EIF3H: variants seen among roughly 807,000 people sequenced by gnomAD.
EIF3H encodes eIF-3-gamma.
A neutral mutation model predicts 44.2 loss-of-function variants in EIF3H; 26 were observed. The ratio of observed to expected loss-of-function variants is 0.59; its 90% CI spans 0.43 to 0.82. The LOEUF (loss-of-function observed/expected upper bound fraction) is 0.82, where lower values mean the gene tolerates loss of function less well. Ranked by LOEUF, EIF3H falls within the 40% of genes least tolerant of loss-of-function variation. The probability of loss-of-function intolerance (pLI) is 0.00; values close to 1 mark genes in which losing one functional copy is unlikely to be tolerated. For missense variants in EIF3H, 359 were observed against 432.8 expected, an observed-to-expected ratio of 0.83 and a Z score of 1.51; for synonymous variants, 166 against 151.9, an observed-to-expected ratio of 1.09 and a Z score of -0.68.
chr8:116,694,413 C>CT (rs1563644571), intron 2 of EIF3H, among the ~76,000 whole-genome samples: 1 of 152,210 alleles, frequency 6.6e-6, no homozygotes. Flanking sequence ...TGTGAACTGT[C>CT]TAAACCATCT....
chr8:116,752,730 A>AAGAAAGAAG (rs1278349971), intron 1 of EIF3H, among the ~76,000 whole-genome samples: 13 of 128,782 alleles, frequency 1.0e-4, no homozygotes, highest in African/African-American at 2.2e-4. Context: ...GAAAGAAAGA[A>AAGAAAGAAG]AGAAGAGAAA....
At chr8:116,754,754 C>A (rs1032276498) in intron 1 of EIF3H, among the ~76,000 whole-genome samples, 1 of 152,352 alleles carries the variant, frequency 6.6e-6, no homozygotes, top group African/African-American at 2.4e-5. Context: ...TCCAGTTTAA[C>A]TAAGTCAGTT....
intron 2 of EIF3H, among the ~76,000 whole-genome samples, chr8:116,703,082 C>T (rs910155775): frequency 5.9e-5 from 9 of 152,068 alleles, no homozygotes; most frequent in African/African-American, 2.2e-4. Context: ...AAAGAAGATA[C>T]TTAAAATAAG....
intron 2 of EIF3H, among the ~76,000 whole-genome samples, chr8:116,671,643 T>G (rs1813757452): frequency 1.3e-5 from 2 of 152,198 alleles, no homozygotes; most frequent in Admixed American, 6.5e-5. Context: ...CAGAGAAAGC[T>G]CCTGCAGCTG....
intron 4 of EIF3H, 132 bp from the exon 5 acceptor site, chr8:116,656,137 A>G: frequency 2.8e-6 from 2 of 703,438 alleles, no homozygotes; most frequent in Non-Finnish European, 4.5e-6. Context: ...AAAAAAAAAA[A>G]AGTAGAGAAA....
chr8:116,657,743 T>G (rs1252098476), intron 3 of EIF3H: 1 of 161,830 alleles, frequency 6.2e-6, no homozygotes, highest in Non-Finnish European at 1.3e-5. Context: ...GCACACAAAA[T>G]TTATCAATCC....
chr8:116,680,945 G>T (rs1222913203), intron 2 of EIF3H, among the ~76,000 whole-genome samples: 1 of 150,226 alleles, frequency 6.7e-6, no homozygotes, highest in Non-Finnish European at 1.5e-5. Flanking sequence ...ATATTGGGAT[G>T]AGTAATAAAG....
chr8:116,725,904 T>C (rs1388334429), intron 2 of EIF3H, 112 bp downstream of exon 2: 1 of 1,285,962 alleles, frequency 7.8e-7, no homozygotes, highest in African/African-American at 1.5e-5. Flanking sequence ...TCAAGTGAAG[T>C]AGGCTAGCCT....
Position 116,642,933 on chromosome 8 carries a change from AAAC to A in EIF3H, c.*2070_*2072del, listed in dbSNP as rs1192081867. ...TCATGTTACCAAGATATAGAAATCT[AAAC>A]AATCATAAAGAATTTAAGAATCACA... On this transcript the variant is annotated 3_prime_UTR_variant, in exon 8 of 8. Transcript: ENST00000521861. 2 of 152,262 alleles carry A rather than the reference AAAC, an allele frequency of 1.3e-5. No homozygotes were observed. Among genetic ancestry groups the A allele is most frequent in the African/African-American group, 4.8e-5 (2 of 41,474 alleles). 9.4% of individuals were successfully genotyped at this position (152,262 alleles called of 1,614,324 possible). A position where few individuals can be genotyped will look rare whatever the true frequency, so the allele number is the denominator to read the frequency against.
Position 116,752,787 on chromosome 8 carries a change from GGGAGGGAGGGAA to G in EIF3H, c.132+2867_132+2878del, listed in dbSNP as rs1458018353. On this transcript the variant is annotated intron_variant, in intron 1 of 7. Transcript: ENST00000521861. ...AGGGAGGGAGGGAGGGAGGGAGGGA[GGGAGGGAGGGAA>G]GGAAGGAAGGAAGGAAGGAAGGAAG... is the stretch of plus-strand genomic sequence containing the variant. 8.3e-3 allele frequency among the ~76,000 whole-genome samples: 228 copies of G among 27,378 alleles called. 13 individuals are homozygous for G. The highest frequency in any genetic ancestry group is 0.013 in the Non-Finnish European group (137 of 10,648). The allele number at this position is 27,378 out of a possible 152,430, so 18.0% of individuals were successfully genotyped here. A position where few individuals can be genotyped will look rare whatever the true frequency, so the allele number is the denominator to read the frequency against.
At chr8:116,666,316 A>G (rs1020520276) in intron 2 of EIF3H, among the ~76,000 whole-genome samples, 3 of 152,180 alleles carry the variant, frequency 2.0e-5, no homozygotes, top group African/African-American at 7.2e-5. Flanking sequence ...CTTTAAAACT[A>G]GTACGAACTT....
At chr8:116,649,018 G>C in intron 5 of EIF3H, 92 bp from the exon 6 acceptor site, 1 of 1,159,668 alleles carries the variant, frequency 8.6e-7, no homozygotes, top group Non-Finnish European at 1.2e-6. Context: ...ACTTGAACTG[G>C]CTTTTGCTAA....
At chr8:116,747,949 T>C (rs1009776243) in intron 1 of EIF3H, among the ~76,000 whole-genome samples, 76 of 151,908 alleles carry the variant, frequency 5.0e-4, no homozygotes, top group African/African-American at 1.7e-3. Flanking sequence ...GTCTCTACTA[T>C]AAATACAAAA....
chr8:116,731,515 T>C (rs1225430585), intron 1 of EIF3H, among the ~76,000 whole-genome samples: 1 of 152,196 alleles, frequency 6.6e-6, no homozygotes, highest in Non-Finnish European at 1.5e-5. Context: ...CAATTTCCTT[T>C]CCTCTGTTTT....
At chr8:116,739,081 C>A (rs537005054) in intron 1 of EIF3H, among the ~76,000 whole-genome samples, 34 of 152,324 alleles carry the variant, frequency 2.2e-4, no homozygotes, top group African/African-American at 7.9e-4. Flanking sequence ...GGAAGGCAGT[C>A]AGTTTACTGG....
At chr8:116,692,803 C>CGAA (rs1246382973) in intron 2 of EIF3H, among the ~76,000 whole-genome samples, 3 of 152,132 alleles carry the variant, frequency 2.0e-5, no homozygotes, top group Admixed American at 2.0e-4. Context: ...ATTTGAGACA[C>CGAA]TAAGAAAACA....
chr8:116,707,020 G>C (rs181592235), intron 2 of EIF3H, among the ~76,000 whole-genome samples: 74 of 152,300 alleles, frequency 4.9e-4, no homozygotes, highest in African/African-American at 1.7e-3. Context: ...AGGAGCACTT[G>C]TATTTTATTT....
intron 2 of EIF3H, among the ~76,000 whole-genome samples, chr8:116,687,010 T>G (rs896829549): frequency 6.6e-5 from 10 of 152,090 alleles, no homozygotes; most frequent in Non-Finnish European, 1.2e-4. Flanking sequence ...GGCAAGAAGG[T>G]GTCAGACAAG....
chr8:116,674,868 T>G (rs181642916), intron 2 of EIF3H, among the ~76,000 whole-genome samples: 1 of 152,276 alleles, frequency 6.6e-6, no homozygotes, highest in East Asian at 1.9e-4. Flanking sequence ...CCCAATTTCA[T>G]AGAGTTCAGG....
Sources: gnomAD v4.1 joint callset for allele counts (sites outside exome capture counted in the v4.1 genomes callset) on GRCh38, gnomAD v4.1.1 for gene constraint, MANE v1.5 for transcripts, NCBI Gene and HGNC (gene_info 2026-07-23, HGNC 2026-07-21) for gene names.